Variants in HDAC8 observed in about 807,000 individuals in gnomAD.
HDAC8 encodes histone deacetylase 8.
Under a neutral mutation model 32.2 loss-of-function variants are expected in HDAC8, and 1 was observed. That is an observed-to-expected ratio of 0.03 (90% CI 0.01 to 0.15). The LOEUF (loss-of-function observed/expected upper bound fraction) is 0.15. Ranked by LOEUF, HDAC8 falls within the 10% of genes least tolerant of loss-of-function variation. The probability of loss-of-function intolerance (pLI) is 1.00; values close to 1 mark genes in which losing one functional copy is unlikely to be tolerated. For synonymous variants in HDAC8, 108 were observed against 113.9 expected (o/e 0.95, Z 0.33); for missense variants, 117 against 300.0 (o/e 0.39, Z 4.51).
intron 4 of HDAC8, among the ~76,000 whole-genome samples, chrX:72,525,043 G>A (rs1464431475): frequency 8.9e-6 from 1 of 111,863 alleles, no homozygotes; most frequent in East Asian, 2.8e-4. Flanking sequence ...GGCATGCGCA[G>A]TTCACAATAC....
At chrX:72,482,605 G>C (rs73498371) in intron 7 of HDAC8, among the ~76,000 whole-genome samples, 6,293 of 110,619 alleles carry the variant, frequency 0.057, 421 homozygotes, top group African/African-American at 0.19. Context: ...TCTATTTTGG[G>C]GGGGGGGATT....
At chrX:72,443,925 A>G (rs1300464876) in intron 9 of HDAC8, among the ~76,000 whole-genome samples, 2 of 108,898 alleles carry the variant, frequency 1.8e-5, no homozygotes, top group Non-Finnish European at 3.8e-5. Context: ...CAAATAAACT[A>G]GAAAATCTAG....
intron 9 of HDAC8, among the ~76,000 whole-genome samples, chrX:72,363,535 G>GACACTTCA (rs1415992912): frequency 1.0e-4 from 11 of 110,111 alleles, no homozygotes; most frequent in Admixed American, 6.8e-4. Context: ...TCATTTCTCA[G>GACACTTCA]ACACTTCAAC....
intron 4 of HDAC8, among the ~76,000 whole-genome samples, chrX:72,538,185 C>CT (rs782378380): frequency 1.9e-3 from 179 of 95,494 alleles, no homozygotes; most frequent in South Asian, 4.3e-3. Context: ...TTTTGTTTTT[C>CT]TTTTTTTTTT....
chrX:72,464,953 C>T (rs1418068290), intron 7 of HDAC8, among the ~76,000 whole-genome samples: 1 of 112,007 alleles, frequency 8.9e-6, no homozygotes, highest in African/African-American at 3.2e-5. Context: ...TCTACTTCCA[C>T]GCTCATCAAT....
intron 4 of HDAC8, among the ~76,000 whole-genome samples, chrX:72,547,834 G>A (rs782352888): frequency 8.9e-6 from 1 of 112,064 alleles, no homozygotes; most frequent in Admixed American, 9.5e-5. Flanking sequence ...CTCAACATAG[G>A]TTAGCTATTG....
At chrX:72,548,585 ACATCCCTTTT>A (rs2050947607) in intron 4 of HDAC8, among the ~76,000 whole-genome samples, 1 of 111,677 alleles carries the variant, frequency 9.0e-6, no homozygotes, top group Non-Finnish European at 1.9e-5. Context: ...TCTCACTGGC[ACATCCCTTTT>A]CATCCTTTGA....
At chrX:72,551,263 A>G (rs16991569) in intron 4 of HDAC8, among the ~76,000 whole-genome samples, 2,231 of 111,895 alleles carry the variant, frequency 0.02, 56 homozygotes, top group African/African-American at 0.067. Flanking sequence ...GTCCTTGAAT[A>G]TTTTGGCAAA....
intron 9 of HDAC8, among the ~76,000 whole-genome samples, chrX:72,355,593 G>A (rs1163947540): frequency 1.8e-5 from 2 of 111,691 alleles, no homozygotes; most frequent in Non-Finnish European, 3.8e-5. Flanking sequence ...CAACCCTAGA[G>A]TCAATGAAGA....
chrX:72,441,813 G>C (rs1555981962), intron 9 of HDAC8, among the ~76,000 whole-genome samples: 2 of 111,617 alleles, frequency 1.8e-5, no homozygotes, highest in African/African-American at 6.5e-5. Flanking sequence ...TGTATAACTA[G>C]AATAACCAAT....
intron 7 of HDAC8, among the ~76,000 whole-genome samples, chrX:72,482,891 A>C (rs1000624446): frequency 1.8e-5 from 2 of 111,637 alleles, no homozygotes; most frequent in Non-Finnish European, 3.8e-5. Context: ...ACTAATAGCT[A>C]CTTTAGTAGG....
intron 9 of HDAC8, among the ~76,000 whole-genome samples, chrX:72,443,756 T>C (rs2047263892): frequency 9.3e-6 from 1 of 108,058 alleles, no homozygotes; most frequent in African/African-American, 3.5e-5. Context: ...AGCTGGTTTT[T>C]TGAAAGGATC....
chrX:72,459,318 C>G (rs2047805640), intron 9 of HDAC8, among the ~76,000 whole-genome samples: 1 of 110,987 alleles, frequency 9.0e-6, no homozygotes, highest in Admixed American at 9.6e-5. Context: ...AGGAAGAGCT[C>G]AAAGGGGATT....
intron 10 of HDAC8, among the ~76,000 whole-genome samples, chrX:72,345,296 C>T (rs782319713): frequency 9.5e-4 from 106 of 111,061 alleles, no homozygotes; most frequent in Non-Finnish European, 1.6e-3. Context: ...GGTTTACTAG[C>T]GACTAGAAAA....
At chrX:72,335,422 A>G (rs1229018532) in intron 10 of HDAC8, among the ~76,000 whole-genome samples, 2 of 112,101 alleles carry the variant, frequency 1.8e-5, no homozygotes, top group African/African-American at 3.2e-5. Flanking sequence ...AACAGTATGT[A>G]ACCTTTTTGG....
chrX:72,446,451 T>C (rs2047400398), intron 9 of HDAC8, among the ~76,000 whole-genome samples: 1 of 109,203 alleles, frequency 9.2e-6, no homozygotes, highest in South Asian at 4.0e-4. Context: ...AACCAAACAC[T>C]GCATGTTCTC....
intron 4 of HDAC8, among the ~76,000 whole-genome samples, chrX:72,540,810 A>T (rs2050681484): frequency 8.9e-6 from 1 of 112,400 alleles, no homozygotes; most frequent in South Asian, 3.7e-4. Flanking sequence ...ACATTCAGTA[A>T]GTCAACTGGT....
intron 7 of HDAC8, among the ~76,000 whole-genome samples, chrX:72,469,394 G>A (rs1602993956): frequency 8.9e-6 from 1 of 112,224 alleles, no homozygotes; most frequent in African/African-American, 3.2e-5. Context: ...CTGGGCTCAA[G>A]CGATCCTCCC....
chrX:72,371,433 T>C (rs1052653650), intron 9 of HDAC8, among the ~76,000 whole-genome samples: 1 of 111,808 alleles, frequency 8.9e-6, no homozygotes, highest in African/African-American at 3.3e-5. Flanking sequence ...AATGAGATTT[T>C]GGATGGGCAG....
Sources: gnomAD v4.1 joint callset for allele counts (sites outside exome capture counted in the v4.1 genomes callset) on GRCh38, gnomAD v4.1.1 for gene constraint, MANE v1.5 for transcripts, NCBI Gene and HGNC (gene_info 2026-07-23, HGNC 2026-07-21) for gene names.